RABGAP1: variants seen among roughly 807,000 people sequenced by gnomAD.
The protein encoded by RABGAP1 is RAB GTPase activating protein 1.
A neutral mutation model predicts 137.6 loss-of-function variants in RABGAP1; 23 were observed. The observed-to-expected ratio is 0.17, with a 90% CI of 0.12 to 0.24. The LOEUF (loss-of-function observed/expected upper bound fraction) is 0.24. Ranked by LOEUF, RABGAP1 falls within the 10% of genes least tolerant of loss-of-function variation. RABGAP1 has a pLI of 1.00. For synonymous variants in RABGAP1, 451 were observed against 450.7 expected, an observed-to-expected ratio of 1.00 and a Z score of -0.01; for missense variants, 906 against 1,275.8, an observed-to-expected ratio of 0.71 and a Z score of 4.42.
intron 10 of RABGAP1, among the ~76,000 whole-genome samples, chr9:123,001,731 G>A (rs1837333206): frequency 6.6e-6 from 1 of 152,190 alleles, no homozygotes; most frequent in African/African-American, 2.4e-5. Flanking sequence ...TAAATTGGCA[G>A]CATAATAGAA....
chr9:123,103,249 C>T lies in RABGAP1; in HGVS notation c.*36C>T, dbSNP rs1001872185. 36 of 1,610,732 alleles carry T rather than the reference C, an allele frequency of 2.2e-5. No homozygotes were observed. Among genetic ancestry groups the T allele is most frequent in the Non-Finnish European group, 2.8e-5 (33 of 1,178,564 alleles). On this transcript the variant is annotated 3_prime_UTR_variant, in exon 26 of 26. Transcript: ENST00000373647. ...CGCCTCCCGACACCTTCAGAAAACA[C>T]GACACCTTTTGTTGCCTTCTTTGGC...
intron 11 of RABGAP1, among the ~76,000 whole-genome samples, chr9:123,014,081 C>A (rs573337392): frequency 1.3e-4 from 20 of 151,988 alleles, no homozygotes; most frequent in Non-Finnish European, 2.6e-4. Flanking sequence ...GGACATAAAC[C>A]CGATGAAAGC....
At chr9:123,076,876 T>C (rs1365409236) in intron 19 of RABGAP1, 114 bp downstream of exon 19, 44 of 608,246 alleles carry the variant, frequency 7.2e-5, no homozygotes, top group Non-Finnish European at 8.5e-5. Flanking sequence ...TTATAATACA[T>C]ATTAGTGTTA....
chr9:123,101,487 C>T, intron 24 of RABGAP1, 79 bp from the exon 25 acceptor site: 1 of 1,338,692 alleles, frequency 7.5e-7, no homozygotes, highest in Non-Finnish European at 1.0e-6. Flanking sequence ...CTCTTGGTGT[C>T]CCCCAAAGGA....
intron 19 of RABGAP1, among the ~76,000 whole-genome samples, chr9:123,078,649 T>A (rs1476459921): frequency 6.6e-6 from 1 of 152,204 alleles, no homozygotes; most frequent in Non-Finnish European, 1.5e-5. Flanking sequence ...ATGCTGCCTC[T>A]TTTTTGTTCA....
chr9:123,003,019 A>C (rs137869258), intron 10 of RABGAP1, among the ~76,000 whole-genome samples: 1 of 151,954 alleles, frequency 6.6e-6, no homozygotes, highest in Admixed American at 6.6e-5. Flanking sequence ...ATTTAGGGGG[A>C]GTGCTAGGGA....
chr9:123,073,617 T>C lies in RABGAP1; in HGVS notation c.2049T>C (p.Leu683=). The C allele has an allele frequency of 6.2e-7, 1 of 1,613,984 alleles. No individual in the cohort carries two copies. The highest frequency in any genetic ancestry group is 8.5e-7 in the Non-Finnish European group (1 of 1,179,864). ...TGTTTGACTATGGGCTCAGGGAACT[T>C]TTCAAGCAAAACTTCGAAGATTTGC... ...KIMFDYGLRE[L]FKQNFEDLHC... is the part of the protein sequence containing the mutation. The change falls in exon 16 of 26, where the codon CTT becomes CTC. Residue 683 remains leucine, a synonymous_variant. Transcript: ENST00000373647.
In RABGAP1 at chr9:122,985,371, T is replaced by C. The variant is rs369934700; in HGVS notation, c.385+652T>C. ...GGCTCACGCCTGTGATCCCAGCACA[T>C]TGGGAGGCCGAGGCAGGTGGATCAC... On this transcript the variant is annotated intron_variant, in intron 3 of 25. Coordinates refer to ENST00000373647, the MANE Select transcript of RABGAP1 (RefSeq NM_012197.4). 1.2e-4 allele frequency among the ~76,000 whole-genome samples: 18 copies of C among 152,200 alleles called. No homozygotes were observed. The South Asian group carries it at 1.5e-3, about 12-fold the overall frequency.
chr9:122,989,963 T>G (rs1588223831), intron 5 of RABGAP1, 93 bp from the exon 6 acceptor site: 3 of 1,320,582 alleles, frequency 2.3e-6, no homozygotes, highest in Non-Finnish European at 3.1e-6. Context: ...ATAAAGATAA[T>G]TATTGCCCTC....
At chr9:123,066,440 C>T (rs966454999) in intron 14 of RABGAP1, among the ~76,000 whole-genome samples, 8 of 152,208 alleles carry the variant, frequency 5.3e-5, no homozygotes, top group Non-Finnish European at 7.3e-5. Context: ...TCTGGTCCCT[C>T]GTCACATACT....
At chr9:123,007,618 C>G (rs1588259711) in intron 10 of RABGAP1, among the ~76,000 whole-genome samples, 1 of 141,910 alleles carries the variant, frequency 7.0e-6, no homozygotes, top group African/African-American at 2.6e-5. Context: ...AGGCTGATCT[C>G]AAACACCTGG....
chr9:123,058,910 G>C (rs1236764583), intron 13 of RABGAP1, among the ~76,000 whole-genome samples: 7 of 152,272 alleles, frequency 4.6e-5, no homozygotes, highest in East Asian at 1.9e-4. Context: ...TCTTCCCCCA[G>C]CATGCCCCAG....
intron 12 of RABGAP1, among the ~76,000 whole-genome samples, chr9:123,016,838 T>C (rs576007166): frequency 1.3e-5 from 2 of 152,338 alleles, no homozygotes; most frequent in East Asian, 3.9e-4. Context: ...TTTAAAGCAT[T>C]GTGTCATGCC....
At chr9:123,034,997 G>A in intron 13 of RABGAP1, 1 of 1,613,720 alleles carries the variant, frequency 6.2e-7, no homozygotes, top group Non-Finnish European at 8.5e-7. Context: ...GTTACACCCT[G>A]GAGACTACGC....
intron 2 of RABGAP1, among the ~76,000 whole-genome samples, chr9:122,961,237 C>G (rs1588172787): frequency 6.6e-6 from 1 of 151,978 alleles, no homozygotes; most frequent in African/African-American, 2.4e-5. Context: ...GATAAAGATG[C>G]TAAAAGACAA....
intron 13 of RABGAP1, among the ~76,000 whole-genome samples, chr9:123,038,102 G>A (rs187737983): frequency 1.0e-3 from 154 of 152,204 alleles, no homozygotes; most frequent in African/African-American, 3.5e-3. Flanking sequence ...AGTGATTTCA[G>A]TGAAAGTGGT....
At chr9:123,029,388 C>T (rs1171387543) in intron 13 of RABGAP1, 3 of 1,360,516 alleles carry the variant, frequency 2.2e-6, no homozygotes, top group Non-Finnish European at 3.2e-6. Context: ...CATGCATCTT[C>T]ACCAGCAGCT....
At chr9:122,975,071 GCTCAGCAATATTA>G (rs764775380) in intron 2 of RABGAP1, among the ~76,000 whole-genome samples, 9 of 152,136 alleles carry the variant, frequency 5.9e-5, no homozygotes, top group Non-Finnish European at 8.8e-5. Flanking sequence ...TTACACTGAA[GCTCAGCAATATTA>G]CTCAGTTTGA....
intron 13 of RABGAP1, among the ~76,000 whole-genome samples, chr9:123,046,582 C>A (rs12379685): frequency 0.24 from 37,129 of 152,084 alleles, 6,500 homozygotes; most frequent in East Asian, 0.65. Flanking sequence ...GACACTGTCT[C>A]ATGTGAGTAT....
Sources: gnomAD v4.1 joint callset for allele counts (sites outside exome capture counted in the v4.1 genomes callset) on GRCh38, gnomAD v4.1.1 for gene constraint, MANE v1.5 for transcripts, NCBI Gene and HGNC (gene_info 2026-07-23, HGNC 2026-07-21) for gene names.